LIMK2: variants seen among roughly 807,000 people sequenced by gnomAD.
The protein encoded by LIMK2 is LIM domain kinase 2.
A neutral mutation model predicts 75.7 loss-of-function variants in LIMK2; 35 were observed. The ratio of observed to expected loss-of-function variants is 0.46; its 90% CI spans 0.35 to 0.61. The LOEUF (loss-of-function observed/expected upper bound fraction) is 0.61, where lower values mean the gene tolerates loss of function less well. Ranked by LOEUF, LIMK2 falls within the 20% of genes least tolerant of loss-of-function variation. The pLI is 0.00. For missense variants in LIMK2, 623 were observed against 831.0 expected (o/e 0.75, Z 3.08); for synonymous variants, 301 against 319.2 (o/e 0.94, Z 0.61).
rs2049058767 is a variant in LIMK2, at chr22:31,278,889, CG to C, written c.*449del. The stretch of plus-strand genomic sequence containing the variant: ...TGCAGGAGGACTTCAAGTGTGTGGA[CG>C]AAAGAAAGACTGATGGCTCAAAGGG... On this transcript the variant is annotated 3_prime_UTR_variant, in exon 16 of 16. Coordinates refer to ENST00000331728, the MANE Select transcript of LIMK2 (RefSeq NM_005569.4). 1 of 153,660 alleles carries C rather than the reference CG, an allele frequency of 6.5e-6. No homozygotes were observed. Among genetic ancestry groups the C allele is most frequent in the Non-Finnish European group, 1.4e-5 (1 of 69,126 alleles). 9.5% of individuals were successfully genotyped at this position (153,660 alleles called of 1,614,324 possible).
chr22:31,277,435 G>T lies in LIMK2; in HGVS notation c.1773-862G>T, dbSNP rs1025134040. 1.8e-5 allele frequency: 21 copies of T among 1,142,784 alleles called. No individual in the cohort carries two copies. The African/African-American group carries it at 3.6e-4, about 20-fold the overall frequency. 70.8% of individuals were successfully genotyped at this position (1,142,784 alleles called of 1,614,324 possible). A position where few individuals can be genotyped will look rare whatever the true frequency, so the allele number is the denominator to read the frequency against. On this transcript the variant is annotated intron_variant, in intron 15 of 15. Transcript: ENST00000331728. The stretch of plus-strand genomic sequence containing the variant: ...GCAGCTCAAAAAAAAAAAAAAAAAT[G>T]ATTTCCAGCGGTCCACATTAGAGTT...
At chr22:31,266,175 C>T (rs1301382867) in intron 8 of LIMK2, 43 bp downstream of exon 8, 1 of 1,588,344 alleles carries the variant, frequency 6.3e-7, no homozygotes, top group South Asian at 1.1e-5. Flanking sequence ...GCCCCCAGTC[C>T]CTCTGTCACT....
At chr22:31,232,620 T>C (rs975104144) in intron 2 of LIMK2, among the ~76,000 whole-genome samples, 2 of 152,188 alleles carry the variant, frequency 1.3e-5, no homozygotes, top group African/African-American at 4.8e-5. Context: ...AATTAGCTTA[T>C]TTATTTTTGA....
chr22:31,233,297 G>A (rs2048544299), intron 2 of LIMK2, among the ~76,000 whole-genome samples: 1 of 152,196 alleles, frequency 6.6e-6, no homozygotes, highest in South Asian at 2.1e-4. Flanking sequence ...TCAAAGTCCT[G>A]AGCAGAATGT....
intron 2 of LIMK2, among the ~76,000 whole-genome samples, chr22:31,251,068 A>G (rs1459221360): frequency 1.3e-5 from 2 of 152,344 alleles, no homozygotes; most frequent in Middle Eastern, 3.4e-3. Flanking sequence ...ATACATACTC[A>G]GCAGAGAATG....
At chr22:31,255,017 A>T (rs1601426719) in intron 2 of LIMK2, among the ~76,000 whole-genome samples, 1 of 152,188 alleles carries the variant, frequency 6.6e-6, no homozygotes, top group South Asian at 2.1e-4. Flanking sequence ...AGGTGATGAC[A>T]TTGCCATTTC....
At chr22:31,269,637 G>T (rs1222528991) in intron 11 of LIMK2, among the ~76,000 whole-genome samples, 1 of 152,010 alleles carries the variant, frequency 6.6e-6, no homozygotes, top group African/African-American at 2.4e-5. Context: ...AGCTGGGCGT[G>T]GTGGTGCACG....
chr22:31,215,427 C>T (rs1467268982), intron 1 of LIMK2, among the ~76,000 whole-genome samples: 1 of 152,138 alleles, frequency 6.6e-6, no homozygotes, highest in Non-Finnish European at 1.5e-5. Flanking sequence ...TAAATTTTAA[C>T]AGGTGTTAGA....
chr22:31,252,542 TAAA>T (rs5844940), intron 2 of LIMK2, among the ~76,000 whole-genome samples: 1 of 138,244 alleles, frequency 7.2e-6, no homozygotes. Context: ...CTCTGTCTCT[TAAA>T]AAAAAAAAAA....
chr22:31,253,515 A>C (rs1276311927), intron 2 of LIMK2, among the ~76,000 whole-genome samples: 1 of 152,256 alleles, frequency 6.6e-6, no homozygotes, highest in Non-Finnish European at 1.5e-5. Context: ...CTTGGGCTAA[A>C]GGAGAAGCAT....
At chr22:31,217,903 A>G (rs2048401282) in intron 1 of LIMK2, among the ~76,000 whole-genome samples, 1 of 152,168 alleles carries the variant, frequency 6.6e-6, no homozygotes, top group African/African-American at 2.4e-5. Flanking sequence ...CATGTCCTTC[A>G]CACCCCATGA....
rs566661197 is a variant in LIMK2 at position 31,259,883 on chromosome 22, C to T, written c.363-6C>T. On this transcript the variant is annotated splice_region_variant and splice_polypyrimidine_tract_variant and intron_variant, in intron 4 of 15. Transcript: ENST00000331728. ...CATCTTATTCCCCCCTGTGCCCTCT[C>T]CCCAGTGGGAAGTGCCACAATGAGG... The T allele has an allele frequency of 6.2e-7, 1 of 1,603,474 alleles. No individual in the cohort carries two copies. Among genetic ancestry groups the T allele is most frequent in the Admixed American group, 1.7e-5 (1 of 57,258 alleles).
At chr22:31,276,457 G>T (rs1317788718) in intron 15 of LIMK2, among the ~76,000 whole-genome samples, 1 of 149,636 alleles carries the variant, frequency 6.7e-6, no homozygotes, top group African/African-American at 2.4e-5. Context: ...GCGCTTCGGC[G>T]GCGGCAGCCC....
In LIMK2 at chr22:31,265,927, C is replaced by G; in HGVS notation, c.855-19C>G. The stretch of plus-strand genomic sequence containing the variant: ...TCTGAGGACTACACATCCCTACTCC[C>G]GTCTTTCCTCATCTTCAGGCGCAGT... On this transcript the variant is annotated intron_variant, in intron 7 of 15. Transcript: ENST00000331728. The G allele has an allele frequency of 6.2e-7, 1 of 1,612,210 alleles. No individual in the cohort carries two copies. Among genetic ancestry groups the G allele is most frequent in the Non-Finnish European group, 8.5e-7 (1 of 1,178,486 alleles).
At chr22:31,244,288 C>T (rs1407489755) in intron 2 of LIMK2, among the ~76,000 whole-genome samples, 4 of 152,206 alleles carry the variant, frequency 2.6e-5, no homozygotes, top group Non-Finnish European at 5.9e-5. Context: ...TCCATTAGTA[C>T]TGTGTTCATC....
chr22:31,243,841 A>G (rs868616484), intron 2 of LIMK2, among the ~76,000 whole-genome samples: 1 of 152,232 alleles, frequency 6.6e-6, no homozygotes, highest in South Asian at 2.1e-4. Context: ...TTCATCTCCC[A>G]GTGATGGGTG....
chr22:31,237,113 T>C (rs1183240925), intron 2 of LIMK2, among the ~76,000 whole-genome samples: 1 of 149,050 alleles, frequency 6.7e-6, no homozygotes, highest in South Asian at 2.1e-4. Context: ...TACACAAAAT[T>C]AGCCAGGCAT....
At chr22:31,252,402 C>T (rs1253592832) in intron 2 of LIMK2, among the ~76,000 whole-genome samples, 1 of 151,994 alleles carries the variant, frequency 6.6e-6, no homozygotes, top group African/African-American at 2.4e-5. Flanking sequence ...ATTAGCCAGG[C>T]ATGGTGGTGT....
chr22:31,235,184 T>C (rs1404138360), intron 2 of LIMK2, among the ~76,000 whole-genome samples: 1 of 152,178 alleles, frequency 6.6e-6, no homozygotes, highest in African/African-American at 2.4e-5. Context: ...ATTGTTGGCA[T>C]AGGAGGGATA....
Sources: gnomAD v4.1 joint callset for allele counts (sites outside exome capture counted in the v4.1 genomes callset) on GRCh38, gnomAD v4.1.1 for gene constraint, MANE v1.5 for transcripts, NCBI Gene and HGNC (gene_info 2026-07-23, HGNC 2026-07-21) for gene names.